Variants in SHLD2 observed in about 807,000 individuals in gnomAD.
SHLD2 encodes RINN1-REV7-interacting novel NHEJ regulator 2.
SHLD2 carries 30 observed loss-of-function variants against 73.2 expected under a neutral mutation model. That is an observed-to-expected ratio of 0.41 (90% CI 0.31 to 0.56). SHLD2 has a LOEUF of 0.56. Among genes scored for constraint, SHLD2 ranks in the 20% least tolerant of loss-of-function variants. The pLI, the probability that SHLD2 is intolerant of heterozygous loss-of-function variation, is 0.28. For synonymous variants in SHLD2, 285 were observed against 370.1 expected, an observed-to-expected ratio of 0.77 and a Z score of 2.64; for missense variants, 745 against 1,055.9, an observed-to-expected ratio of 0.71 and a Z score of 4.08.
Position 87,158,727 on chromosome 10 carries a change from C to A in SHLD2, c.1633+572C>A, listed in dbSNP as rs553954613. Among the ~76,000 whole-genome samples the A allele has an allele frequency of 6.2e-3, 950 of 152,226 alleles. 5 individuals carry two copies. The highest frequency in any genetic ancestry group is 0.022 in the African/African-American group (893 of 41,528). ...TTAATGAGGAAACTAGCAGCTATCT[C>A]CTCCTCTAGGAAATAAAATAACATA... is the stretch of plus-strand genomic sequence containing the variant. On this transcript the variant is annotated intron_variant, in intron 4 of 9. Coordinates refer to ENST00000298786, the MANE Select transcript of SHLD2 (RefSeq NM_001330112.2).
chr10:87,149,450 C>T (rs568659045), intron 2 of SHLD2, among the ~76,000 whole-genome samples: 4 of 152,044 alleles, frequency 2.6e-5, no homozygotes, highest in South Asian at 4.2e-4. Context: ...TCGCCAGGCA[C>T]GGTGGCTCAC....
chr10:87,152,803 G>A lies in SHLD2; in HGVS notation c.1449G>A (p.Lys483=), dbSNP rs1225098568. The A allele has an allele frequency of 3.7e-6, 6 of 1,611,484 alleles. No individual in the cohort carries two copies. Among genetic ancestry groups the A allele is most frequent in the Non-Finnish European group, 5.1e-6 (6 of 1,179,754 alleles). ...CAGTAATTGATCAATCAGAAACTAA[G>A]AAGAAGGTTTTTCTGTGGAGGACTG... ...TVTVIDQSET[K]KKVFLWRTAA... is the part of the protein sequence containing the mutation. The change falls in exon 3 of 10, where the codon AAG becomes AAA. Residue 483 remains lysine, a synonymous_variant. Coordinates refer to ENST00000298786, the MANE Select transcript of SHLD2 (RefSeq NM_001330112.2).
chr10:87,124,588 G>A (rs1305565920), intron 2 of SHLD2, among the ~76,000 whole-genome samples: 1 of 152,100 alleles, frequency 6.6e-6, no homozygotes, highest in Non-Finnish European at 1.5e-5. Context: ...GTTTTGGGTG[G>A]TTTAGAGATG....
chr10:87,166,621 G>A (rs1589622486), intron 4 of SHLD2, among the ~76,000 whole-genome samples: 1 of 152,282 alleles, frequency 6.6e-6, no homozygotes, highest in South Asian at 2.1e-4. Flanking sequence ...AGTGGCTCAT[G>A]CCTGTAATGC....
At chr10:87,114,341 C>T (rs369972597) in intron 2 of SHLD2, 5 of 152,268 alleles carry the variant, frequency 3.3e-5, no homozygotes, top group South Asian at 2.1e-4. Context: ...GCTGAGAAAG[C>T]GATTTTATAT....
chr10:87,146,448 C>T (rs1234709364), intron 2 of SHLD2, among the ~76,000 whole-genome samples: 1 of 152,006 alleles, frequency 6.6e-6, no homozygotes, highest in Non-Finnish European at 1.5e-5. Context: ...TGTGTGCCAT[C>T]ACTCCAAGCT....
chr10:87,130,373 T>G (rs1258316988), intron 2 of SHLD2, among the ~76,000 whole-genome samples: 2 of 146,666 alleles, frequency 1.4e-5, no homozygotes, highest in Non-Finnish European at 3.0e-5. Flanking sequence ...AGTGAGGATT[T>G]CAGTATTCAG....
chr10:87,166,659 G>A (rs1847222924), intron 4 of SHLD2, among the ~76,000 whole-genome samples: 1 of 152,150 alleles, frequency 6.6e-6, no homozygotes, highest in African/African-American at 2.4e-5. Flanking sequence ...AAGGTAGGAG[G>A]ATCTCTTGAG....
In SHLD2 at chr10:87,146,682, G is replaced by A. The variant is rs1310289651; in HGVS notation, c.-5-4668G>A. ...CCAAGACAATTCTCCTTCTTCCATT[G>A]TGGCCCAGGGAAGCCAAAAGATTAG... is the stretch of plus-strand genomic sequence containing the variant. On this transcript the variant is annotated intron_variant, in intron 2 of 9. Coordinates refer to ENST00000298786, the MANE Select transcript of SHLD2 (RefSeq NM_001330112.2). Among the ~76,000 whole-genome samples, 4 of 151,482 alleles carry A rather than the reference G, an allele frequency of 2.6e-5. No individual in the cohort carries two copies. In the South Asian group the frequency reaches 8.3e-4, roughly 31 times the overall value.
chr10:87,174,162 TAAAA>T (rs1283296328), intron 6 of SHLD2, among the ~76,000 whole-genome samples: 2 of 151,358 alleles, frequency 1.3e-5, no homozygotes, highest in South Asian at 2.1e-4. Context: ...TTGTGAAAAA[TAAAA>T]AACAACCAGA....
intron 4 of SHLD2, 39 bp downstream of exon 4, chr10:87,158,194 A>G (rs765499914): frequency 3.9e-5 from 62 of 1,587,182 alleles, no homozygotes; most frequent in Admixed American, 1.2e-4. Context: ...AGTAGTGTTT[A>G]AAGTATAAAA....
intron 3 of SHLD2, among the ~76,000 whole-genome samples, chr10:87,155,629 C>T (rs984644987): frequency 2.0e-5 from 3 of 151,228 alleles, no homozygotes; most frequent in Admixed American, 6.6e-5. Context: ...AGGGCTGGAT[C>T]CTGGACCATG....
Position 87,190,850 on chromosome 10 carries a change from G to A in SHLD2, c.*167G>A. 1 of 615,918 alleles carries A rather than the reference G, an allele frequency of 1.6e-6. No homozygotes were observed. The highest frequency in any genetic ancestry group is 2.8e-5 in the East Asian group (1 of 36,304). The allele number at this position is 615,918 out of a possible 1,614,324, so 38.2% of individuals were successfully genotyped here. On this transcript the variant is annotated 3_prime_UTR_variant, in exon 10 of 10. Coordinates refer to ENST00000298786, the MANE Select transcript of SHLD2 (RefSeq NM_001330112.2). ...TAAAACTTTTTTCTAAGAAAATCCT[G>A]TGAGGTTTAAAAAGATTGTTTTTGT...
chr10:87,151,533 A>G lies in SHLD2; in HGVS notation c.179A>G (p.Glu60Gly). 1 of 1,611,070 alleles carries G rather than the reference A, an allele frequency of 6.2e-7. No homozygotes were observed. The highest frequency in any genetic ancestry group is 8.5e-7 in the Non-Finnish European group (1 of 1,179,618). ...LKDEKQHKNLENYKVPESIGS... is the reference protein window; with the variant it reads ...LKDEKQHKNLGNYKVPESIGS... ...GATGAAAAACAGCACAAAAATCTTG[A>G]AAACTATAAAGTCCCAGAATCTATT... The change falls in exon 3 of 10, where the codon GAA (glutamate) becomes GGA (glycine). Residue 60 changes from glutamate (E) to glycine (G), a missense_variant. Glu to Gly is a moderately conservative substitution (Grantham distance 98). Transcript: ENST00000298786.
At chr10:87,185,649 G>C (rs188526781) in intron 8 of SHLD2, among the ~76,000 whole-genome samples, 1 of 152,148 alleles carries the variant, frequency 6.6e-6, no homozygotes, top group Non-Finnish European at 1.5e-5. Context: ...CTAAGCCAAG[G>C]TTATGGAGAT....
Position 87,152,818 on chromosome 10 carries a change from G to T in SHLD2, c.1464G>T (p.Leu488=). 6.2e-7 allele frequency: 1 copy of T among 1,611,712 alleles called. No individual in the cohort carries two copies. Among genetic ancestry groups the T allele is most frequent in the South Asian group, 1.1e-5 (1 of 90,908 alleles). ...DQSETKKKVF[L]WRTAAFWAFT... ...CAGAAACTAAGAAGAAGGTTTTTCT[G>T]TGGAGGACTGCAGCATTTTGGGCAT... Residue 488 remains leucine (L), a synonymous_variant, in exon 3 of 10, where the codon CTG becomes CTT. Coordinates refer to ENST00000298786, the MANE Select transcript of SHLD2 (RefSeq NM_001330112.2).
intron 2 of SHLD2, among the ~76,000 whole-genome samples, chr10:87,109,309 T>C (rs1842785220): frequency 6.6e-6 from 1 of 152,078 alleles, no homozygotes; most frequent in Non-Finnish European, 1.5e-5. Flanking sequence ...AGATTTTTTT[T>C]TTTTTTTTGA....
chr10:87,146,593 C>T (rs1311574682), intron 2 of SHLD2, among the ~76,000 whole-genome samples: 1 of 147,220 alleles, frequency 6.8e-6, no homozygotes, highest in African/African-American at 2.4e-5. Flanking sequence ...CGCGCCCAGC[C>T]TGCGATTTTT....
At chr10:87,178,235 CAAAAAAAAA>C (rs71019476) in intron 7 of SHLD2, among the ~76,000 whole-genome samples, 13 of 31,024 alleles carry the variant, frequency 4.2e-4, no homozygotes, top group Admixed American at 4.1e-3. Context: ...TACTCTGTCT[CAAAAAAAAA>C]AAAAAAAAAA....
Sources: allele counts gnomAD v4.1 joint callset (sites outside exome capture counted in the v4.1 genomes callset), GRCh38; gene constraint gnomAD v4.1.1; transcripts MANE v1.5; gene names NCBI Gene and HGNC (gene_info 2026-07-23, HGNC 2026-07-21).